Variants in ASIC2 observed in about 807,000 individuals in gnomAD.
ASIC2 encodes acid-sensing ion channel 2.
Under a neutral mutation model 57.3 loss-of-function variants are expected in ASIC2, and 25 were observed. That is an observed-to-expected ratio of 0.44 (90% CI 0.32 to 0.61). The LOEUF (loss-of-function observed/expected upper bound fraction) is 0.61, where lower values mean the gene tolerates loss of function less well. ASIC2 is among the 20% of genes least tolerant of loss of function. ASIC2 has a pLI of 0.06. For synonymous variants in ASIC2, 319 were observed against 307.5 expected (o/e 1.04, Z -0.39); for missense variants, 641 against 738.1 (o/e 0.87, Z 1.52).
chr17:33,607,447 A>G (rs1409819879), intron 1 of ASIC2, among the ~76,000 whole-genome samples: 2 of 152,080 alleles, frequency 1.3e-5, no homozygotes, highest in African/African-American at 4.8e-5. Flanking sequence ...TTGGAGGCCA[A>G]AGTCTCTTCT....
At chr17:33,161,328 T>G (rs748458760) in intron 1 of ASIC2, among the ~76,000 whole-genome samples, 1 of 152,216 alleles carries the variant, frequency 6.6e-6, no homozygotes, top group African/African-American at 2.4e-5. Context: ...CTCTCAAACC[T>G]AATTTGTTCC....
intron 1 of ASIC2, among the ~76,000 whole-genome samples, chr17:33,465,577 T>C (rs1912837740): frequency 1.3e-5 from 2 of 152,128 alleles, no homozygotes; most frequent in Non-Finnish European, 2.9e-5. Context: ...TTTCACCATG[T>C]TGGCCAGGCT....
At chr17:33,162,130 C>T (rs142379962) in intron 1 of ASIC2, among the ~76,000 whole-genome samples, 15 of 152,206 alleles carry the variant, frequency 9.9e-5, no homozygotes, top group African/African-American at 3.4e-4. Flanking sequence ...GAAAGCTAAT[C>T]ACTGGGCATT....
intron 1 of ASIC2, among the ~76,000 whole-genome samples, chr17:34,149,676 T>C (rs1005064067): frequency 1.3e-5 from 2 of 152,194 alleles, no homozygotes; most frequent in African/African-American, 4.8e-5. Flanking sequence ...TTGTAAAAAG[T>C]TAGCAATGCG....
At position 34,109,402 on chromosome 17, in the gene ASIC2, C is replaced by T. The variant is rs1258753906; in HGVS notation, c.555+46576G>A. 2.6e-5 allele frequency among the ~76,000 whole-genome samples: 4 copies of T among 152,096 alleles called. No homozygotes were observed. In the East Asian group the frequency reaches 7.7e-4, roughly 29 times the overall value. ...ATGTACAAACAATGCCAAAAGTATA[C>T]AGTCCTGTGCATGTCTTCTACGTAC... On this transcript the variant is annotated intron_variant, in intron 1 of 9. Coordinates refer to the ASIC2 transcript ENST00000359872.
At chr17:33,463,074 C>T (rs200563768) in intron 1 of ASIC2, among the ~76,000 whole-genome samples, 45 of 152,180 alleles carry the variant, frequency 3.0e-4, no homozygotes, top group Middle Eastern at 6.3e-3. Context: ...TTTTCTAAGA[C>T]GCAGTACTCT....
At chr17:33,983,426 A>G (rs1035336055) in intron 1 of ASIC2, among the ~76,000 whole-genome samples, 8 of 152,180 alleles carry the variant, frequency 5.3e-5, no homozygotes, top group Admixed American at 2.0e-4. Flanking sequence ...ACAGTTTCCA[A>G]TCAGTGAGAG....
intron 1 of ASIC2, among the ~76,000 whole-genome samples, chr17:33,450,344 C>T (rs9898160): frequency 0.19 from 29,060 of 152,146 alleles, 3,241 homozygotes; most frequent in Non-Finnish European, 0.25. Flanking sequence ...TTAGGTATAA[C>T]CTCCCTCATG....
intron 1 of ASIC2, among the ~76,000 whole-genome samples, chr17:34,018,297 A>T (rs1907038697): frequency 6.6e-6 from 1 of 152,248 alleles, no homozygotes; most frequent in Non-Finnish European, 1.5e-5. Flanking sequence ...TTTTAAGCAC[A>T]CTGTTGAGAT....
chr17:33,625,577 A>T (rs1411122944), intron 1 of ASIC2, among the ~76,000 whole-genome samples: 1 of 152,244 alleles, frequency 6.6e-6, no homozygotes, highest in Non-Finnish European at 1.5e-5. Context: ...TGCAACACAG[A>T]AATTGATAAC....
intron 1 of ASIC2, among the ~76,000 whole-genome samples, chr17:34,131,135 G>T (rs1321974436): frequency 6.6e-6 from 1 of 152,118 alleles, no homozygotes; most frequent in Non-Finnish European, 1.5e-5. Context: ...AGAGTGAATT[G>T]TATATTACGG....
chr17:33,772,738 C>T (rs1032326195), intron 1 of ASIC2, among the ~76,000 whole-genome samples: 1 of 152,206 alleles, frequency 6.6e-6, no homozygotes, highest in Non-Finnish European at 1.5e-5. Flanking sequence ...CTCTTTATCA[C>T]ACTCAATCCT....
At chr17:33,077,067 T>C (rs951724999) in intron 3 of ASIC2, among the ~76,000 whole-genome samples, 4 of 152,072 alleles carry the variant, frequency 2.6e-5, no homozygotes, top group Non-Finnish European at 5.9e-5. Flanking sequence ...CCTCAACAGC[T>C]GTCCCAGCTG....
intron 1 of ASIC2, among the ~76,000 whole-genome samples, chr17:33,788,313 T>C (rs1050498260): frequency 6.6e-6 from 1 of 152,010 alleles, no homozygotes; most frequent in Non-Finnish European, 1.5e-5. Context: ...AAGCTCAACA[T>C]CACTCATCAT....
intron 1 of ASIC2, among the ~76,000 whole-genome samples, chr17:33,464,514 T>TTC (rs1412311271): frequency 0.038 from 1,429 of 37,474 alleles, 15 homozygotes; most frequent in Middle Eastern, 0.044. Context: ...CTTTCTTTCT[T>TTC]TCTTTCTTTC....
intron 1 of ASIC2, among the ~76,000 whole-genome samples, chr17:33,764,480 C>G (rs901063140): frequency 6.6e-6 from 1 of 152,046 alleles, no homozygotes; most frequent in East Asian, 1.9e-4. Context: ...TTTCTTACAG[C>G]TGTGGAGGCT....
intron 1 of ASIC2, among the ~76,000 whole-genome samples, chr17:34,097,867 G>A (rs1910603294): frequency 1.3e-5 from 2 of 152,078 alleles, no homozygotes; most frequent in South Asian, 2.1e-4. Flanking sequence ...GGAATCTGAG[G>A]CCCCAGAATT....
chr17:33,269,667 C>CTTCCTTCCTTCCTTCT (rs1904382697), intron 1 of ASIC2, among the ~76,000 whole-genome samples: 1 of 78,604 alleles, frequency 1.3e-5, no homozygotes, highest in Admixed American at 1.4e-4. Context: ...TCCTTCCTTC[C>CTTCCTTCCTTCCTTCT]TTCCTTCCCT....
At chr17:33,547,350 G>A (rs867654307) in intron 1 of ASIC2, among the ~76,000 whole-genome samples, 2 of 152,142 alleles carry the variant, frequency 1.3e-5, no homozygotes, top group Non-Finnish European at 2.9e-5. Context: ...ATAGATTTTG[G>A]TGAGTCTATA....
Sources: gnomAD v4.1 joint callset for allele counts (sites outside exome capture counted in the v4.1 genomes callset) on GRCh38, gnomAD v4.1.1 for gene constraint, MANE v1.5 for transcripts, NCBI Gene and HGNC (gene_info 2026-07-23, HGNC 2026-07-21) for gene names.